The following TRAF3 variants were observed in gnomAD, a reference collection of about 807,000 sequenced individuals.
TRAF3 encodes TNF receptor associated factor 3.
Under a neutral mutation model 62.3 loss-of-function variants are expected in TRAF3, and 13 were observed. The observed-to-expected ratio is 0.21, with a 90% CI of 0.14 to 0.33. The LOEUF is 0.33. Among genes scored for constraint, TRAF3 ranks in the 10% least tolerant of loss-of-function variants. TRAF3 has a pLI of 1.00. For missense variants in TRAF3, 440 were observed against 741.8 expected (o/e 0.59, Z 4.73); for synonymous variants, 269 against 283.4 (o/e 0.95, Z 0.51).
intron 2 of TRAF3, among the ~76,000 whole-genome samples, chr14:102,830,804 CTGCAG>C (rs1900634837): frequency 6.6e-6 from 1 of 152,192 alleles, no homozygotes. Flanking sequence ...TACAGAGAAG[CTGCAG>C]TGCCCAGCAG....
chr14:102,845,517 A>AT lies in TRAF3; in HGVS notation c.-18+15045_-18+15046insT, dbSNP rs1424854406. Among the ~76,000 whole-genome samples, 111 of 125,056 alleles carry AT rather than the reference A, an allele frequency of 8.9e-4. No homozygotes were observed. The Middle Eastern group carries it at 0.023, about 26-fold the overall frequency. The allele number at this position is 125,056 out of a possible 152,430, so 82.0% of individuals were successfully genotyped here. A position where few individuals can be genotyped will look rare whatever the true frequency, so the allele number is the denominator to read the frequency against. Reference sequence around the variant, plus strand: ...GTGCCCAGCCTAAAAATAAAAAAAAAATTTTTTTTTTTTTTCAAGACGGAG... The same window carrying AT: ...GTGCCCAGCCTAAAAATAAAAAAAAATATTTTTTTTTTTTTTCAAGACGGAG... On this transcript the variant is annotated intron_variant, in intron 2 of 11. Transcript: ENST00000392745.
At chr14:102,786,485 C>T (rs969134669) in intron 1 of TRAF3, among the ~76,000 whole-genome samples, 15 of 152,136 alleles carry the variant, frequency 9.9e-5, no homozygotes, top group Non-Finnish European at 1.8e-4. Flanking sequence ...GTCATGAGTT[C>T]GAGACCAGCC....
chr14:102,780,271 T>C (rs1363490836), intron 1 of TRAF3, among the ~76,000 whole-genome samples: 5 of 152,096 alleles, frequency 3.3e-5, no homozygotes, highest in Non-Finnish European at 5.9e-5. Context: ...CGCAGCAGGC[T>C]TTGGGTCCCA....
chr14:102,808,982 ATATT>A (rs1321062831), intron 1 of TRAF3: 2 of 151,040 alleles, frequency 1.3e-5, no homozygotes, highest in Non-Finnish European at 2.9e-5. Context: ...CACCCAGCTA[ATATT>A]TATTTATTTA....
chr14:102,888,759 A>G (rs1889547645), intron 7 of TRAF3, among the ~76,000 whole-genome samples: 1 of 152,224 alleles, frequency 6.6e-6, no homozygotes, highest in Non-Finnish European at 1.5e-5. Context: ...AGACCAAACT[A>G]TACCTCATTT....
intron 1 of TRAF3, among the ~76,000 whole-genome samples, chr14:102,778,480 C>G (rs118040404): frequency 6.6e-6 from 1 of 152,230 alleles, no homozygotes; most frequent in African/African-American, 2.4e-5. Flanking sequence ...CTTGGAAATG[C>G]AAGAAACCTT....
intron 1 of TRAF3, among the ~76,000 whole-genome samples, chr14:102,784,872 C>T (rs537016846): frequency 6.6e-6 from 1 of 152,064 alleles, no homozygotes; most frequent in Admixed American, 6.6e-5. Flanking sequence ...GGCAGGGAGT[C>T]GCCTGGCAGA....
rs144304078 is a variant in TRAF3, at chr14:102,832,439, C to T, written c.-18+1967C>T. Reference sequence around the variant, plus strand: ...CTGTAATCCCAGCACTTTGGGAGGCCGAGGCAGGTGGATCACCTGAGGTCA... The same window carrying T: ...CTGTAATCCCAGCACTTTGGGAGGCTGAGGCAGGTGGATCACCTGAGGTCA... On this transcript the variant is annotated intron_variant, in intron 2 of 11. Coordinates refer to ENST00000392745, the MANE Select transcript of TRAF3 (RefSeq NM_145725.3). 5.7e-3 allele frequency among the ~76,000 whole-genome samples: 868 copies of T among 151,634 alleles called. 9 individuals are homozygous for T. The highest frequency in any genetic ancestry group is 9.9e-3 in the Admixed American group (151 of 15,244).
chr14:102,792,338 G>A (rs1417944930), intron 1 of TRAF3, among the ~76,000 whole-genome samples: 4 of 151,506 alleles, frequency 2.6e-5, no homozygotes, highest in Non-Finnish European at 5.9e-5. Flanking sequence ...TGTTGCCCAG[G>A]TTGGTCTCAA....
intron 1 of TRAF3, among the ~76,000 whole-genome samples, chr14:102,798,992 G>A (rs1898245036): frequency 6.6e-6 from 1 of 152,164 alleles, no homozygotes; most frequent in African/African-American, 2.4e-5. Flanking sequence ...GGTCAGAATA[G>A]GACTCTTGTT....
At chr14:102,878,216 A>G (rs981402957) in intron 6 of TRAF3, among the ~76,000 whole-genome samples, 4 of 152,202 alleles carry the variant, frequency 2.6e-5, no homozygotes, top group Non-Finnish European at 4.4e-5. Flanking sequence ...ACCATCACTT[A>G]CAACAGGCTA....
intron 10 of TRAF3, among the ~76,000 whole-genome samples, chr14:102,900,368 G>T (rs1327561644): frequency 6.6e-6 from 1 of 152,084 alleles, no homozygotes; most frequent in Non-Finnish European, 1.5e-5. Flanking sequence ...GGGCGCAGTG[G>T]CAGGCATCTG....
At chr14:102,784,503 G>A (rs1015452757) in intron 1 of TRAF3, among the ~76,000 whole-genome samples, 2 of 152,232 alleles carry the variant, frequency 1.3e-5, no homozygotes, top group South Asian at 2.1e-4. Flanking sequence ...GATTACAGGC[G>A]TGAGGTACTG....
At chr14:102,820,529 C>T (rs1264628178) in intron 1 of TRAF3, among the ~76,000 whole-genome samples, 2 of 123,978 alleles carry the variant, frequency 1.6e-5, no homozygotes, top group African/African-American at 6.1e-5. Flanking sequence ...TAGGTAGGTA[C>T]CTTTACATTT....
At chr14:102,839,217 T>C (rs79634054) in intron 2 of TRAF3, among the ~76,000 whole-genome samples, 7 of 95,808 alleles carry the variant, frequency 7.3e-5, no homozygotes, top group Admixed American at 3.8e-4. Flanking sequence ...TGCCTTTTTT[T>C]TTTTTTTTTT....
chr14:102,830,844 C>CAGATT (rs1379840658), intron 2 of TRAF3, among the ~76,000 whole-genome samples: 4 of 152,208 alleles, frequency 2.6e-5, no homozygotes, highest in Non-Finnish European at 5.9e-5. Context: ...ATCTGAATCA[C>CAGATT]CACCTGTTAA....
intron 1 of TRAF3, among the ~76,000 whole-genome samples, chr14:102,817,070 G>A (rs1450080327): frequency 6.6e-6 from 1 of 152,178 alleles, no homozygotes; most frequent in Admixed American, 6.5e-5. Context: ...GCAGATCAGA[G>A]AGGAACGGGT....
intron 7 of TRAF3, among the ~76,000 whole-genome samples, chr14:102,887,329 T>G (rs1889450907): frequency 1.3e-5 from 2 of 152,306 alleles, no homozygotes; most frequent in African/African-American, 4.8e-5. Context: ...AGAACCAGCC[T>G]CGCATGCCCC....
chr14:102,877,175 G>A (rs1888728048), intron 6 of TRAF3, among the ~76,000 whole-genome samples: 1 of 149,316 alleles, frequency 6.7e-6, no homozygotes, highest in East Asian at 2.0e-4. Flanking sequence ...TCATCTCGTA[G>A]ATAATCCGTT....
Sources: allele counts gnomAD v4.1 joint callset (sites outside exome capture counted in the v4.1 genomes callset), GRCh38; gene constraint gnomAD v4.1.1; transcripts MANE v1.5; gene names NCBI Gene and HGNC (gene_info 2026-07-23, HGNC 2026-07-21).